NCAM2: variants seen among roughly 807,000 people sequenced by gnomAD.
NCAM2 encodes the protein N-CAM-2.
A neutral mutation model predicts 98.1 loss-of-function variants in NCAM2; 30 were observed. The ratio of observed to expected loss-of-function variants is 0.31; its 90% CI spans 0.23 to 0.41. The LOEUF is 0.41. NCAM2 is among the 10% of genes least tolerant of loss of function. The pLI, the probability that NCAM2 is intolerant of heterozygous loss-of-function variation, is 1.00. For synonymous variants in NCAM2, 368 were observed against 342.4 expected, an observed-to-expected ratio of 1.07 and a Z score of -0.83; for missense variants, 867 against 1,005.8, an observed-to-expected ratio of 0.86 and a Z score of 1.87.
At position 21,223,449 on chromosome 21, in the gene NCAM2, G is replaced by A. The variant is rs149801844; in HGVS notation, c.56-57129G>A. On this transcript the variant is annotated intron_variant, in intron 1 of 17. Coordinates refer to ENST00000400546, the MANE Select transcript of NCAM2 (RefSeq NM_004540.5). ...TATTTCTTTTCCAATGTGTCACAAA[G>A]CTCATGATTTCAGGTTATATAAAGG... is the stretch of plus-strand genomic sequence containing the variant. 93 of 152,102 alleles carry A rather than the reference G, an allele frequency of 6.1e-4. 2 individuals are homozygous for A. The highest frequency in any genetic ancestry group is 2.2e-3 in the African/African-American group (91 of 41,498). 9.4% of individuals were successfully genotyped at this position (152,102 alleles called of 1,614,324 possible). A position where few individuals can be genotyped will look rare whatever the true frequency, so the allele number is the denominator to read the frequency against.
At chr21:21,311,953 C>A (rs950330270) in intron 5 of NCAM2, among the ~76,000 whole-genome samples, 2 of 152,094 alleles carry the variant, frequency 1.3e-5, no homozygotes, top group Non-Finnish European at 2.9e-5. Flanking sequence ...CTAATTTCTG[C>A]AAATTGGAAA....
At position 21,265,448 on chromosome 21, in the gene NCAM2, AC is replaced by A. The variant is rs1568857237; in HGVS notation, c.56-15129del. On this transcript the variant is annotated intron_variant, in intron 1 of 17. Transcript: ENST00000400546. ...ATGTGTGTATATATATTATATATAC[AC>A]ACATATATAATATATGTGTGTATAT... Among the ~76,000 whole-genome samples, 42 of 5,670 alleles carry A rather than the reference AC, an allele frequency of 7.4e-3. 14 individuals are homozygous for A. Among genetic ancestry groups the A allele is most frequent in the East Asian group, 0.031 (2 of 64 alleles). The allele number at this position is 5,670 out of a possible 152,430, so 3.7% of individuals were successfully genotyped here. A position where few individuals can be genotyped will look rare whatever the true frequency, so the allele number is the denominator to read the frequency against.
chr21:21,475,772 C>T (rs1035826621), intron 14 of NCAM2, among the ~76,000 whole-genome samples: 10 of 152,044 alleles, frequency 6.6e-5, no homozygotes, highest in Non-Finnish European at 1.3e-4. Context: ...ACCAGGGCTT[C>T]GTTAGGGGTT....
chr21:21,461,348 G>T (rs1160425568), intron 12 of NCAM2, among the ~76,000 whole-genome samples: 1 of 151,796 alleles, frequency 6.6e-6, no homozygotes, highest in East Asian at 1.9e-4. Flanking sequence ...GATTTTAAGG[G>T]TAATATGTAC....
intron 14 of NCAM2, among the ~76,000 whole-genome samples, chr21:21,471,990 A>G (rs1984500639): frequency 6.6e-6 from 1 of 152,080 alleles, no homozygotes; most frequent in Admixed American, 6.6e-5. Flanking sequence ...AAAGACAAAC[A>G]TATTAATCTC....
intron 9 of NCAM2, 119 bp from the exon 10 acceptor site, chr21:21,410,155 C>A: frequency 3.3e-6 from 2 of 608,824 alleles, no homozygotes; most frequent in East Asian, 3.7e-5. Context: ...AAAAAATACA[C>A]GAAATTAGAA....
rs530173927 is a variant in NCAM2, at chr21:21,253,573, G to T, written c.56-27005G>T. Among the ~76,000 whole-genome samples, 4 of 152,240 alleles carry T rather than the reference G, an allele frequency of 2.6e-5. No homozygotes were observed. In the South Asian group the frequency reaches 8.3e-4, roughly 32 times the overall value. Reference sequence around the variant, plus strand: ...AAACAAACCTCACCAGAATCTGTGAGAATCTGGAATACCTGAATCTTTGAC... The same window carrying T: ...AAACAAACCTCACCAGAATCTGTGATAATCTGGAATACCTGAATCTTTGAC... On this transcript the variant is annotated intron_variant, in intron 1 of 17. Coordinates refer to ENST00000400546, the MANE Select transcript of NCAM2 (RefSeq NM_004540.5).
chr21:21,511,455 G>A (rs112679589), intron 16 of NCAM2, among the ~76,000 whole-genome samples: 1 of 151,784 alleles, frequency 6.6e-6, no homozygotes. Flanking sequence ...TTCCACAAAT[G>A]ATTTTCCATT....
At chr21:21,203,761 T>C in intron 1 of NCAM2, among the ~76,000 whole-genome samples, 1 of 152,150 alleles carries the variant, frequency 6.6e-6, no homozygotes, top group East Asian at 1.9e-4. Flanking sequence ...GACTGAAGAT[T>C]TTTTCCTGAT....
At chr21:21,509,146 G>A in intron 16 of NCAM2, 91 bp downstream of exon 16, 2 of 1,242,266 alleles carry the variant, frequency 1.6e-6, no homozygotes, top group South Asian at 1.3e-5. Flanking sequence ...GGGTAAAGGA[G>A]TAGGGTAAAG....
chr21:21,511,134 C>T (rs1452969430), intron 16 of NCAM2, among the ~76,000 whole-genome samples: 1 of 151,962 alleles, frequency 6.6e-6, no homozygotes, highest in Non-Finnish European at 1.5e-5. Flanking sequence ...TTCCAATTCT[C>T]CTCCTTTAGT....
intron 9 of NCAM2, among the ~76,000 whole-genome samples, chr21:21,403,685 A>G (rs145580146): frequency 1.3e-5 from 2 of 152,326 alleles, no homozygotes; most frequent in Admixed American, 6.5e-5. Flanking sequence ...AAGGCAACCC[A>G]TGATGGCAGT....
intron 8 of NCAM2, among the ~76,000 whole-genome samples, chr21:21,355,669 G>T (rs79179000): frequency 0.088 from 13,379 of 151,208 alleles, 750 homozygotes; most frequent in East Asian, 0.29. Context: ...AGGCTGGAGC[G>T]CAGTGGCACG....
At chr21:21,231,476 T>C (rs2070623070) in intron 1 of NCAM2, among the ~76,000 whole-genome samples, 3 of 151,544 alleles carry the variant, frequency 2.0e-5, no homozygotes, top group Admixed American at 6.6e-5. Flanking sequence ...TTATTATAAG[T>C]ATAATTTTAT....
Position 20,998,462 on chromosome 21 carries a change from G to T in NCAM2, c.-102G>T. ...GGGCGGCTGGGGCACCGCGGGAGCG[G>T]CGGCGGCGGCTCTAGCAGAGGCGGC... On this transcript the variant is annotated 5_prime_UTR_variant, in exon 1 of 18. Coordinates refer to ENST00000400546, the MANE Select transcript of NCAM2 (RefSeq NM_004540.5). 8.6e-7 allele frequency: 1 copy of T among 1,169,466 alleles called. No individual in the cohort carries two copies. The highest frequency in any genetic ancestry group is 2.7e-5 in the East Asian group (1 of 37,352). 72.4% of individuals were successfully genotyped at this position (1,169,466 alleles called of 1,614,324 possible).
At chr21:21,219,132 C>T (rs926986628) in intron 1 of NCAM2, among the ~76,000 whole-genome samples, 9 of 152,166 alleles carry the variant, frequency 5.9e-5, no homozygotes, top group Admixed American at 1.3e-4. Context: ...AATTCATAAA[C>T]CTTCTTAAAA....
intron 5 of NCAM2, among the ~76,000 whole-genome samples, chr21:21,322,617 A>G (rs190964588): frequency 4.9e-4 from 75 of 152,230 alleles, no homozygotes; most frequent in Non-Finnish European, 5.9e-4. Context: ...GCTGTGCTTG[A>G]GTGGAGTTAG....
intron 12 of NCAM2, among the ~76,000 whole-genome samples, chr21:21,451,786 G>A (rs540555979): frequency 1.3e-5 from 2 of 152,126 alleles, no homozygotes; most frequent in South Asian, 4.1e-4. Context: ...GCTTCATGAC[G>A]CTGCTTCAAC....
chr21:21,477,247 T>C, intron 14 of NCAM2, 44 bp from the exon 15 acceptor site: 1 of 1,439,740 alleles, frequency 6.9e-7, no homozygotes, highest in Non-Finnish European at 9.3e-7. Flanking sequence ...GGTGTCACTT[T>C]AGTGTATGGA....
Sources: gnomAD v4.1 joint callset for allele counts (sites outside exome capture counted in the v4.1 genomes callset) on GRCh38, gnomAD v4.1.1 for gene constraint, MANE v1.5 for transcripts, NCBI Gene and HGNC (gene_info 2026-07-23, HGNC 2026-07-21) for gene names.